VPS53: variants seen among roughly 807,000 people sequenced by gnomAD.
VPS53 encodes VPS53 subunit of GARP complex.
In VPS53, 70 loss-of-function variants were observed where a neutral mutation model predicts 107.0. The ratio of observed to expected loss-of-function variants is 0.65; its 90% CI spans 0.54 to 0.80. VPS53 has a LOEUF of 0.80. Ranked by LOEUF, VPS53 falls within the 30% of genes least tolerant of loss-of-function variation. VPS53 has a pLI of 0.00. For synonymous variants in VPS53, 409 were observed against 393.3 expected (o/e 1.04, Z -0.47); for missense variants, 917 against 1,049.4 (o/e 0.87, Z 1.74).
intron 15 of VPS53, among the ~76,000 whole-genome samples, chr17:558,418 G>A (rs1426358428): frequency 5.3e-5 from 8 of 152,152 alleles, no homozygotes; most frequent in Non-Finnish European, 1.0e-4. Context: ...CAGATCACAA[G>A]ATCAGGAGAT....
chr17:613,440 T>C (rs916889756), intron 11 of VPS53, among the ~76,000 whole-genome samples: 4 of 152,074 alleles, frequency 2.6e-5, no homozygotes, highest in African/African-American at 9.7e-5. Flanking sequence ...ACAGCAGTAT[T>C]CAAATAGTGA....
At chr17:669,900 A>G (rs9912816) in intron 4 of VPS53, among the ~76,000 whole-genome samples, 7,666 of 152,026 alleles carry the variant, frequency 0.05, 638 homozygotes, top group African/African-American at 0.17. Context: ...AAAAAAAAAA[A>G]AAGAAGAAAA....
chr17:590,716 C>A (rs1384588219), intron 12 of VPS53, among the ~76,000 whole-genome samples: 2 of 147,830 alleles, frequency 1.4e-5, no homozygotes, highest in African/African-American at 2.5e-5. Flanking sequence ...CCTTGCATCC[C>A]AGGGATGAAG....
At chr17:562,036 G>C (rs1913051257) in intron 14 of VPS53, among the ~76,000 whole-genome samples, 2 of 152,206 alleles carry the variant, frequency 1.3e-5, no homozygotes, top group Admixed American at 6.5e-5. Context: ...AGCATGGCAG[G>C]AAGTGTGCAC....
intron 13 of VPS53, among the ~76,000 whole-genome samples, chr17:577,905 A>G (rs1290984522): frequency 6.6e-6 from 1 of 151,672 alleles, no homozygotes; most frequent in Non-Finnish European, 1.5e-5. Flanking sequence ...CATCCCTCAG[A>G]ACCTAATGCG....
At chr17:658,934 C>A (rs1253314077) in intron 5 of VPS53, among the ~76,000 whole-genome samples, 2 of 152,130 alleles carry the variant, frequency 1.3e-5, no homozygotes, top group South Asian at 2.1e-4. Flanking sequence ...TATGATCCTG[C>A]AAGCCTTACC....
intron 4 of VPS53, among the ~76,000 whole-genome samples, chr17:694,723 TAGAC>T (rs144561302): frequency 1.6e-4 from 24 of 152,326 alleles, no homozygotes; most frequent in African/African-American, 5.5e-4. Context: ...TAAACAATCT[TAGAC>T]AGACAAAATA....
At chr17:663,857 G>A (rs368821854) in intron 4 of VPS53, among the ~76,000 whole-genome samples, 5 of 152,168 alleles carry the variant, frequency 3.3e-5, no homozygotes, top group African/African-American at 1.2e-4. Context: ...TGTCCTCAAG[G>A]AATGAACTTA....
chr17:556,278 T>G (rs1489658913), intron 15 of VPS53, among the ~76,000 whole-genome samples: 1 of 152,004 alleles, frequency 6.6e-6, no homozygotes, highest in East Asian at 1.9e-4. Context: ...AGACCCCATA[T>G]TAAACAAAAA....
chr17:658,374 G>A (rs571294154), intron 5 of VPS53, among the ~76,000 whole-genome samples: 1 of 146,758 alleles, frequency 6.8e-6, no homozygotes, highest in East Asian at 2.1e-4. Flanking sequence ...GAGAAACTCG[G>A]CCGTGAGTTC....
intron 5 of VPS53, chr17:656,648 A>G (rs448465): frequency 5.6e-6 from 3 of 536,590 alleles, no homozygotes; most frequent in East Asian, 3.1e-5. Context: ...CAACTTTACT[A>G]ACACCCAGGT....
rs1170703930 is a variant in VPS53 at position 510,331 on chromosome 17, G to T, written c.*8797C>A. ...CTCACTAGTCACATATCAAATCTTG[G>T]CTGACCCCTTACTAGTCACATATCG... On this transcript the variant is annotated 3_prime_UTR_variant, in exon 22 of 22. Transcript: ENST00000437048. The T allele has an allele frequency of 1.0e-3, 197 of 194,970 alleles. No homozygotes were observed. The highest frequency in any genetic ancestry group is 2.4e-3 in the East Asian group (12 of 5,090). 12.1% of individuals were successfully genotyped at this position (194,970 alleles called of 1,614,324 possible). A position where few individuals can be genotyped will look rare whatever the true frequency, so the allele number is the denominator to read the frequency against.
chr17:697,330 C>T, intron 4 of VPS53, 88 bp downstream of exon 4: 1 of 1,127,000 alleles, frequency 8.9e-7, no homozygotes, highest in Non-Finnish European at 1.4e-6. Context: ...GGAAAGTGCT[C>T]TGCAAGAGGG....
At chr17:664,216 C>T (rs1226535917) in intron 4 of VPS53, among the ~76,000 whole-genome samples, 1 of 152,014 alleles carries the variant, frequency 6.6e-6, no homozygotes, top group African/African-American at 2.4e-5. Flanking sequence ...GTAGCTGGGA[C>T]TACAGGCACC....
intron 3 of VPS53, 147 bp downstream of exon 3, chr17:699,184 A>T (rs899544131): frequency 2.1e-6 from 1 of 482,084 alleles, no homozygotes; most frequent in African/African-American, 2.0e-5. Context: ...ATAAATAAAT[A>T]ATAAAAATTT....
intron 5 of VPS53, among the ~76,000 whole-genome samples, chr17:659,588 G>A (rs1316255181): frequency 6.6e-6 from 1 of 152,048 alleles, no homozygotes; most frequent in East Asian, 1.9e-4. Context: ...GCTGCATCAG[G>A]GGTCTTTAAC....
At chr17:569,395 T>C (rs927223507) in intron 13 of VPS53, among the ~76,000 whole-genome samples, 3 of 152,124 alleles carry the variant, frequency 2.0e-5, no homozygotes, top group Non-Finnish European at 4.4e-5. Context: ...TCAGGGGAAG[T>C]TGGGTGAAGG....
At chr17:553,720 G>A (rs368999837) in intron 15 of VPS53, among the ~76,000 whole-genome samples, 14 of 151,600 alleles carry the variant, frequency 9.2e-5, no homozygotes, top group African/African-American at 2.4e-4. Flanking sequence ...ACAGGCGTGC[G>A]CTACCACACC....
At chr17:686,227 GA>G (rs1972580592) in intron 4 of VPS53, among the ~76,000 whole-genome samples, 1 of 152,070 alleles carries the variant, frequency 6.6e-6, no homozygotes, top group Non-Finnish European at 1.5e-5. Context: ...GGCTGAGGTG[GA>G]AGGATCACGT....
Sources: gnomAD v4.1 joint callset for allele counts (sites outside exome capture counted in the v4.1 genomes callset) on GRCh38, gnomAD v4.1.1 for gene constraint, MANE v1.5 for transcripts, NCBI Gene and HGNC (gene_info 2026-07-23, HGNC 2026-07-21) for gene names.